AP2B1: variants seen among roughly 807,000 people sequenced by gnomAD.
AP2B1 encodes AP-2 complex subunit beta.
In AP2B1, 23 loss-of-function variants were observed where a neutral mutation model predicts 102.0. That is an observed-to-expected ratio of 0.23 (90% CI 0.16 to 0.32). AP2B1 has a LOEUF of 0.32. AP2B1 is among the 10% of genes least tolerant of loss of function. AP2B1 has a pLI of 1.00. For missense variants in AP2B1, 541 were observed against 1,157.4 expected (o/e 0.47, Z 7.73); for synonymous variants, 381 against 421.2 (o/e 0.90, Z 1.17).
chr17:35,675,831 TAAA>T (rs546290814), intron 17 of AP2B1, among the ~76,000 whole-genome samples: 1 of 152,032 alleles, frequency 6.6e-6, no homozygotes, highest in South Asian at 2.1e-4. Flanking sequence ...CTCTAATCGT[TAAA>T]AAAAATCATC....
At chr17:35,644,197 G>A (rs562350772) in intron 12 of AP2B1, among the ~76,000 whole-genome samples, 420 of 152,330 alleles carry the variant, frequency 2.8e-3, no homozygotes, top group Admixed American at 7.6e-3. Context: ...TCTAGGTCTT[G>A]CCCATGGTCT....
chr17:35,671,820 G>A lies in AP2B1; in HGVS notation c.2098G>A (p.Val700Ile), dbSNP rs2075594357. The change falls in exon 16 of 22, where the codon GTC becomes ATC. Residue 700 changes from valine to isoleucine, a missense_variant. Coordinates refer to ENST00000610402, the MANE Select transcript of AP2B1 (RefSeq NM_001030006.2). ...TFAPSPTPAV[V>I]SSGLNDLFEL... ...TGCTCCTTCACCTACACCTGCTGTG[G>A]TCAGCAGTGGACTGAATGACCTGTT... 2 of 1,613,800 alleles carry A rather than the reference G, an allele frequency of 1.2e-6. No individual in the cohort carries two copies. Among genetic ancestry groups the A allele is most frequent in the Non-Finnish European group, 1.7e-6 (2 of 1,179,846 alleles).
At chr17:35,670,984 T>C (rs1161112745) in intron 15 of AP2B1, 86 bp downstream of exon 15, 1 of 1,400,484 alleles carries the variant, frequency 7.1e-7, no homozygotes, top group East Asian at 2.3e-5. Context: ...GACCAGCCAC[T>C]GCTGCTGTCT....
intron 21 of AP2B1, among the ~76,000 whole-genome samples, chr17:35,723,059 ACTAAGTAAGTGT>A (rs1156916761): frequency 6.6e-6 from 1 of 152,232 alleles, no homozygotes; most frequent in Admixed American, 6.5e-5. Flanking sequence ...GTTGGGTTAT[ACTAAGTAAGTGT>A]CTTTTCATGT....
chr17:35,638,360 A>G (rs2074669547), intron 10 of AP2B1, among the ~76,000 whole-genome samples: 1 of 152,228 alleles, frequency 6.6e-6, no homozygotes, highest in African/African-American at 2.4e-5. Context: ...CGTTAAAACT[A>G]CATTAGCCAA....
At chr17:35,610,527 C>A (rs2073826658) in intron 5 of AP2B1, among the ~76,000 whole-genome samples, 1 of 152,062 alleles carries the variant, frequency 6.6e-6, no homozygotes. Flanking sequence ...CTTTGGGAGG[C>A]TGAGGCAGAA....
At chr17:35,671,069 G>T (rs934086207) in intron 15 of AP2B1, among the ~76,000 whole-genome samples, 171 bp downstream of exon 15, 2 of 152,074 alleles carry the variant, frequency 1.3e-5, no homozygotes, top group African/African-American at 4.8e-5. Flanking sequence ...GAATTGTTGG[G>T]GTCATGCACC....
chr17:35,718,445 C>T (rs1319687791), intron 21 of AP2B1, among the ~76,000 whole-genome samples: 2 of 151,882 alleles, frequency 1.3e-5, no homozygotes, highest in South Asian at 2.1e-4. Context: ...AATGTATGCT[C>T]CTCTCCCCAA....
chr17:35,605,955 G>C, intron 4 of AP2B1, 115 bp downstream of exon 4: 1 of 1,478,472 alleles, frequency 6.8e-7, no homozygotes, highest in Non-Finnish European at 9.0e-7. Flanking sequence ...CATGTTTTAA[G>C]CATTCTGTAT....
chr17:35,626,030 G>T (rs376754310), intron 6 of AP2B1, among the ~76,000 whole-genome samples: 1 of 152,184 alleles, frequency 6.6e-6, no homozygotes, highest in East Asian at 1.9e-4. Flanking sequence ...GGCTAGGAGA[G>T]GGGGGAGACA....
At chr17:35,718,916 A>T (rs1340421967) in intron 21 of AP2B1, among the ~76,000 whole-genome samples, 1 of 152,160 alleles carries the variant, frequency 6.6e-6, no homozygotes, top group Non-Finnish European at 1.5e-5. Flanking sequence ...CTAGTTCAAG[A>T]TCATGTAATT....
Position 35,709,274 on chromosome 17 carries a change from A to C in AP2B1, c.2505A>C (p.Pro835=). 1 of 1,613,848 alleles carries C rather than the reference A, an allele frequency of 6.2e-7. No homozygotes were observed. The highest frequency in any genetic ancestry group is 8.5e-7 in the Non-Finnish European group (1 of 1,179,978). ...IDVFYFSCLI[P]LNVLFVEDGK... ...TCTTCTACTTCAGCTGCCTCATCCC[A>C]CTCAATGTGCTTTTTGTAGAAGATG... Residue 835 remains proline (P), a synonymous_variant, in exon 19 of 22, where the codon CCA becomes CCC. Transcript: ENST00000610402.
At chr17:35,719,367 A>G (rs1472795318) in intron 21 of AP2B1, among the ~76,000 whole-genome samples, 4 of 152,232 alleles carry the variant, frequency 2.6e-5, no homozygotes, top group East Asian at 1.9e-4. Context: ...CACAAAAAAA[A>G]AAAACTTCCT....
In AP2B1 at chr17:35,725,102, G is replaced by C. The variant is rs927063989; in HGVS notation, c.*1403G>C. ...TGCAGGGCATATTAAGATCATCCCA[G>C]AGGTTCAGGCAGTTCCTGTCATCTC... On this transcript the variant is annotated 3_prime_UTR_variant, in exon 22 of 22. Coordinates refer to ENST00000610402, the MANE Select transcript of AP2B1 (RefSeq NM_001030006.2). The C allele has an allele frequency of 1.3e-5, 2 of 152,198 alleles. No individual in the cohort carries two copies. The highest frequency in any genetic ancestry group is 1.3e-4 in the Admixed American group (2 of 15,284). 9.4% of individuals were successfully genotyped at this position (152,198 alleles called of 1,614,324 possible). A position where few individuals can be genotyped will look rare whatever the true frequency, so the allele number is the denominator to read the frequency against.
At chr17:35,714,298 T>C (rs1174592725) in intron 20 of AP2B1, among the ~76,000 whole-genome samples, 1 of 152,140 alleles carries the variant, frequency 6.6e-6, no homozygotes, top group African/African-American at 2.4e-5. Flanking sequence ...GCTTAAATGG[T>C]AAAAAGCATT....
intron 6 of AP2B1, 149 bp from the exon 7 acceptor site, chr17:35,626,472 A>G (rs2074319169): frequency 2.9e-6 from 2 of 686,728 alleles, no homozygotes; most frequent in South Asian, 2.0e-5. Flanking sequence ...GTTGGATCCC[A>G]ATTTTACCTA....
chr17:35,652,899 CTG>C, intron 13 of AP2B1, among the ~76,000 whole-genome samples: 1 of 152,254 alleles, frequency 6.6e-6, no homozygotes, highest in South Asian at 2.1e-4. Flanking sequence ...AGAGAATACT[CTG>C]TGAAAGATTT....
chr17:35,673,533 C>T (rs1011345185), intron 16 of AP2B1, among the ~76,000 whole-genome samples: 1 of 151,964 alleles, frequency 6.6e-6, no homozygotes, highest in Non-Finnish European at 1.5e-5. Flanking sequence ...GCCAGGTATA[C>T]CACAGGTTCC....
chr17:35,690,560 G>A (rs1047123945), intron 18 of AP2B1, among the ~76,000 whole-genome samples: 7 of 152,180 alleles, frequency 4.6e-5, no homozygotes, highest in Non-Finnish European at 7.3e-5. Context: ...CCTAAGAGCT[G>A]TCCAGCAGTA....
Sources: allele counts gnomAD v4.1 joint callset (sites outside exome capture counted in the v4.1 genomes callset), GRCh38; gene constraint gnomAD v4.1.1; transcripts MANE v1.5; gene names NCBI Gene and HGNC (gene_info 2026-07-23, HGNC 2026-07-21).